GRIK2: variants seen among roughly 807,000 people sequenced by gnomAD.
The protein encoded by GRIK2 is glutamate ionotropic receptor kainate type subunit 2.
In GRIK2, 32 loss-of-function variants were observed where a neutral mutation model predicts 100.3. The observed-to-expected ratio is 0.32, with a 90% CI of 0.24 to 0.43. GRIK2 has a LOEUF of 0.43. Among genes scored for constraint, GRIK2 ranks in the 20% least tolerant of loss-of-function variants. GRIK2 has a pLI of 1.00. For synonymous variants in GRIK2, 417 were observed against 389.4 expected (o/e 1.07, Z -0.83); for missense variants, 843 against 1,114.9 (o/e 0.76, Z 3.47).
chr6:101,463,131 T>C (rs1771426280), intron 2 of GRIK2, among the ~76,000 whole-genome samples: 1 of 152,190 alleles, frequency 6.6e-6, no homozygotes, highest in Admixed American at 6.5e-5. Flanking sequence ...AGTGGAGCAA[T>C]ATGACAAATT....
chr6:101,868,092 G>T (rs113660383), intron 11 of GRIK2, among the ~76,000 whole-genome samples: 2 of 150,660 alleles, frequency 1.3e-5, no homozygotes, highest in African/African-American at 4.9e-5. Context: ...GAGACTTCTG[G>T]ACACTCCTAT....
chr6:101,941,517 A>G (rs1332462170), intron 14 of GRIK2, among the ~76,000 whole-genome samples: 1 of 152,096 alleles, frequency 6.6e-6, no homozygotes, highest in Non-Finnish European at 1.5e-5. Context: ...TAATAGTAAA[A>G]AAAAGAAACA....
At chr6:101,445,741 A>T (rs1582467343) in intron 2 of GRIK2, among the ~76,000 whole-genome samples, 1 of 152,024 alleles carries the variant, frequency 6.6e-6, no homozygotes, top group Non-Finnish European at 1.5e-5. Context: ...AGCACTTGGG[A>T]TCTAGCCACT....
At chr6:101,452,690 C>T (rs1036833206) in intron 2 of GRIK2, among the ~76,000 whole-genome samples, 5 of 151,688 alleles carry the variant, frequency 3.3e-5, no homozygotes, top group African/African-American at 1.2e-4. Context: ...AATGCAAAGT[C>T]TGTTTTTATT....
chr6:101,684,623 G>A (rs975428249), intron 6 of GRIK2, among the ~76,000 whole-genome samples: 1 of 151,920 alleles, frequency 6.6e-6, no homozygotes, highest in African/African-American at 2.4e-5. Flanking sequence ...CAAAAGAGAG[G>A]TTGACAAGAG....
At chr6:101,793,160 C>A (rs1216372954) in intron 7 of GRIK2, among the ~76,000 whole-genome samples, 1 of 152,198 alleles carries the variant, frequency 6.6e-6, no homozygotes, top group Non-Finnish European at 1.5e-5. Flanking sequence ...TGAATTTCCT[C>A]CTGTAGCTCG....
At chr6:101,922,732 C>T (rs551216929) in intron 12 of GRIK2, among the ~76,000 whole-genome samples, 3 of 152,082 alleles carry the variant, frequency 2.0e-5, no homozygotes, top group Middle Eastern at 6.3e-3. Flanking sequence ...GATGGGTGCT[C>T]TAGCAGCAGA....
At chr6:101,542,359 A>G (rs2128289141) in intron 2 of GRIK2, among the ~76,000 whole-genome samples, 1 of 152,234 alleles carries the variant, frequency 6.6e-6, no homozygotes, top group South Asian at 2.1e-4. Context: ...ATGTATGTTC[A>G]CTGTATCCAT....
At chr6:101,565,162 A>C (rs1216287215) in intron 2 of GRIK2, among the ~76,000 whole-genome samples, 2 of 152,078 alleles carry the variant, frequency 1.3e-5, no homozygotes, top group African/African-American at 2.4e-5. Flanking sequence ...GATTTACCTC[A>C]TGGTATTCAG....
intron 14 of GRIK2, among the ~76,000 whole-genome samples, chr6:101,952,450 C>T (rs899518234): frequency 2.0e-5 from 3 of 151,808 alleles, no homozygotes; most frequent in Non-Finnish European, 2.9e-5. Flanking sequence ...CCCAAGTGTG[C>T]AATTGCAGAG....
chr6:101,570,586 G>A (rs755997664), intron 2 of GRIK2, among the ~76,000 whole-genome samples: 2 of 152,060 alleles, frequency 1.3e-5, no homozygotes, highest in African/African-American at 2.4e-5. Flanking sequence ...AAATTAAATG[G>A]CAGTTCACCT....
chr6:102,024,399 A>G (rs1769583873), intron 14 of GRIK2, among the ~76,000 whole-genome samples: 1 of 151,378 alleles, frequency 6.6e-6, no homozygotes, highest in Admixed American at 6.6e-5. Context: ...AAAATTGGCA[A>G]ACACTACAAA....
At chr6:101,745,846 C>T (rs1776390680) in intron 7 of GRIK2, among the ~76,000 whole-genome samples, 1 of 152,062 alleles carries the variant, frequency 6.6e-6, no homozygotes, top group Non-Finnish European at 1.5e-5. Context: ...GCTATTTCAC[C>T]ATATGAGAAT....
chr6:101,558,603 T>C (rs147455556), intron 2 of GRIK2, among the ~76,000 whole-genome samples: 1 of 152,020 alleles, frequency 6.6e-6, no homozygotes, highest in East Asian at 1.9e-4. Flanking sequence ...AATTTGGAAA[T>C]AGTTTAGGGT....
chr6:102,024,933 T>C (rs897800023), intron 14 of GRIK2, among the ~76,000 whole-genome samples: 1 of 149,224 alleles, frequency 6.7e-6, no homozygotes, highest in African/African-American at 2.4e-5. Context: ...ATGATATATA[T>C]ATATATTATT....
intron 14 of GRIK2, among the ~76,000 whole-genome samples, chr6:101,944,309 C>A (rs919976611): frequency 2.6e-5 from 4 of 152,052 alleles, no homozygotes; most frequent in African/African-American, 4.8e-5. Context: ...CTAATAAATC[C>A]TTTTAGCTTT....
At chr6:101,412,655 G>C (rs146610547) in intron 2 of GRIK2, among the ~76,000 whole-genome samples, 3 of 152,028 alleles carry the variant, frequency 2.0e-5, no homozygotes, top group Admixed American at 6.6e-5. Flanking sequence ...ATTCATAGGT[G>C]ATTTAGCAAT....
intron 4 of GRIK2, among the ~76,000 whole-genome samples, chr6:101,636,721 TC>T (rs1781037500): frequency 6.6e-6 from 1 of 151,408 alleles, no homozygotes; most frequent in South Asian, 2.1e-4. Flanking sequence ...AAGGAGCAAG[TC>T]TTATACTAAA....
chr6:101,402,661 A>G (rs1225920958), intron 2 of GRIK2, among the ~76,000 whole-genome samples: 1 of 152,034 alleles, frequency 6.6e-6, no homozygotes, highest in Non-Finnish European at 1.5e-5. Flanking sequence ...CTGGGTGCCC[A>G]CCCGGCGGGC....
Sources: allele counts gnomAD v4.1 joint callset (sites outside exome capture counted in the v4.1 genomes callset), GRCh38; gene constraint gnomAD v4.1.1; transcripts MANE v1.5; gene names NCBI Gene and HGNC (gene_info 2026-07-23, HGNC 2026-07-21).